The following ACSM2A variants were observed in gnomAD, a reference collection of about 807,000 sequenced individuals.
ACSM2A encodes acyl-coenzyme A synthetase ACSM2A, mitochondrial.
A neutral mutation model predicts 76.6 loss-of-function variants in ACSM2A; 72 were observed. The observed-to-expected ratio is 0.94, with a 90% confidence interval of 0.78 to 1.14. The LOEUF is 1.14. Among genes scored for constraint, ACSM2A ranks in the 50% most tolerant of loss-of-function variants. The pLI is 0.00. For synonymous variants in ACSM2A, 249 were observed against 255.9 expected (o/e 0.97, Z 0.26); for missense variants, 684 against 708.5 (o/e 0.97, Z 0.39).
intron 2 of ACSM2A, among the ~76,000 whole-genome samples, chr16:20,462,890 T>C (rs1221435987): frequency 6.6e-6 from 1 of 152,014 alleles, no homozygotes; most frequent in African/African-American, 2.4e-5. Flanking sequence ...ACAGTAGCTT[T>C]ATTCACAGTA....
At chr16:20,465,841 G>C (rs7186805) in intron 3 of ACSM2A, 114 bp downstream of exon 3, 468,975 of 1,454,520 alleles carry the variant, frequency 0.32, 84,419 homozygotes, top group East Asian at 0.81. Context: ...ATGCTGTCCT[G>C]TATCATATGA....
Position 20,460,104 on chromosome 16 carries a change from C to G in ACSM2A, c.-8-3C>G. ...TCACCTGTGTCTCTTCTTTCTTTTACAGGCCTGAATATGCATTGGCTGCGA... is the reference window on the plus strand; with the variant it reads ...TCACCTGTGTCTCTTCTTTCTTTTAGAGGCCTGAATATGCATTGGCTGCGA... On this transcript the variant is annotated splice_region_variant and splice_polypyrimidine_tract_variant and intron_variant, in intron 1 of 13. Transcript: ENST00000573854. The G allele has an allele frequency of 1.2e-6, 2 of 1,602,064 alleles. No homozygotes were observed. Among genetic ancestry groups the G allele is most frequent in the Non-Finnish European group, 1.7e-6 (2 of 1,172,892 alleles).
intron 13 of ACSM2A, among the ~76,000 whole-genome samples, chr16:20,485,549 T>G (rs1010544674): frequency 4.6e-5 from 7 of 152,232 alleles, no homozygotes; most frequent in South Asian, 2.1e-4. Flanking sequence ...ACTTTGCCCA[T>G]GCAATGCTAA....
chr16:20,463,916 G>A (rs1361210836), intron 2 of ACSM2A, among the ~76,000 whole-genome samples: 3 of 152,040 alleles, frequency 2.0e-5, no homozygotes, highest in Non-Finnish European at 4.4e-5. Flanking sequence ...CAAACATTCA[G>A]GTCAAATCTT....
chr16:20,469,776 C>G (rs574922177), intron 4 of ACSM2A, 57 bp downstream of exon 4: 1 of 1,605,534 alleles, frequency 6.2e-7, no homozygotes, highest in Admixed American at 1.7e-5. Flanking sequence ...CAGAGCCAAG[C>G]ACTTAGGTGC....
intron 6 of ACSM2A, among the ~76,000 whole-genome samples, chr16:20,473,126 C>T (rs1759525285): frequency 6.6e-6 from 1 of 152,160 alleles, no homozygotes; most frequent in African/African-American, 2.4e-5. Flanking sequence ...GCCCCCAGAT[C>T]TCTAATGGCC....
chr16:20,479,373 T>G (rs886887255), intron 10 of ACSM2A, among the ~76,000 whole-genome samples: 2 of 152,188 alleles, frequency 1.3e-5, no homozygotes, highest in African/African-American at 4.8e-5. Flanking sequence ...ACATTTAATC[T>G]TTAAACTTTA....
chr16:20,460,253 G>A lies in ACSM2A; in HGVS notation c.139G>A (p.Ala47Thr). 1 of 1,613,680 alleles carries A rather than the reference G, an allele frequency of 6.2e-7. No homozygotes were observed. The highest frequency in any genetic ancestry group is 1.3e-5 in the African/African-American group (1 of 75,022). ...HQEVPAKFNF[A>T]SDVLDHWADM... ...GGAAGTGCCGGCCAAGTTTAACTTTGCTAGTGATGTGTTGGATCACTGGGC... is the reference window on the plus strand; with the variant it reads ...GGAAGTGCCGGCCAAGTTTAACTTTACTAGTGATGTGTTGGATCACTGGGC... Residue 47 changes from alanine to threonine, a missense_variant, in exon 2 of 14, where the codon GCT becomes ACT. Ala to Thr is a moderately conservative substitution (Grantham distance 58, BLOSUM62 0). Transcript: ENST00000573854.
chr16:20,468,410 C>A (rs904333666), intron 3 of ACSM2A, among the ~76,000 whole-genome samples: 3 of 152,186 alleles, frequency 2.0e-5, no homozygotes, highest in African/African-American at 4.8e-5. Context: ...CCTCTGTAGT[C>A]CAGGCTGGAG....
rs369137473 is a variant in ACSM2A, at chr16:20,486,658, G to A, written c.1714G>A (p.Gly572Arg). 33 of 1,614,044 alleles carry A rather than the reference G, an allele frequency of 2.0e-5. No individual in the cohort carries two copies. The highest frequency in any genetic ancestry group is 3.3e-5 in the Admixed American group (2 of 60,004). ...TCGAGACAAGGAGTGGAAGATGTCCGGAAAAGCCCGTGCGCAGTGAGACAT... is the reference window on the plus strand; with the variant it reads ...TCGAGACAAGGAGTGGAAGATGTCCAGAAAAGCCCGTGCGCAGTGAGACAT... The part of the protein sequence containing the change: ...KLRDKEWKMS[G>R]KARAQ Residue 572 changes from glycine to arginine, a missense_variant, in exon 14 of 14, where the codon GGA becomes AGA. Coordinates refer to ENST00000573854, the MANE Select transcript of ACSM2A (RefSeq NM_001308172.2).
intron 12 of ACSM2A, chr16:20,481,123 T>G: frequency 1.5e-6 from 1 of 654,950 alleles, no homozygotes; most frequent in Non-Finnish European, 2.6e-6. Context: ...GGGATTGTTA[T>G]GAGGGTTAAA....
intron 5 of ACSM2A, 97 bp downstream of exon 5, chr16:20,471,313 T>C (rs2013379574): frequency 6.5e-7 from 1 of 1,532,256 alleles, no homozygotes; most frequent in Non-Finnish European, 8.8e-7. Context: ...TCAACCGGGG[T>C]CCCACCTTCT....
Position 20,487,399 on chromosome 16 carries a change from A to G in ACSM2A, c.*721A>G, listed in dbSNP as rs1490939111. 2.0e-5 allele frequency: 3 copies of G among 152,224 alleles called. No homozygotes were observed. Among genetic ancestry groups the G allele is most frequent in the African/African-American group, 7.2e-5 (3 of 41,432 alleles). The allele number at this position is 152,224 out of a possible 1,614,324, so 9.4% of individuals were successfully genotyped here. ...AGGAAGACTTGTGTGTGGGGTTGGG[A>G]CATTAGAATCATCCACAAGTCACCC... On this transcript the variant is annotated 3_prime_UTR_variant, in exon 14 of 14. Coordinates refer to ENST00000573854, the MANE Select transcript of ACSM2A (RefSeq NM_001308172.2).
In ACSM2A at chr16:20,469,626, A is replaced by G. The variant is rs1426506672; in HGVS notation, c.503A>G (p.Asp168Gly). ...VAGDEVIQEV[D>G]TVASECPSLR... Reference sequence around the variant, plus strand: ...GGGGATGAAGTCATCCAAGAAGTGGACACAGTGGCATCTGAATGTCCTTCT... The same window carrying G: ...GGGGATGAAGTCATCCAAGAAGTGGGCACAGTGGCATCTGAATGTCCTTCT... Residue 168 changes from aspartate to glycine, a missense_variant, in exon 4 of 14, where the codon GAC becomes GGC. By Grantham distance (94) the Asp-to-Gly change is moderately conservative. Coordinates refer to ENST00000573854, the MANE Select transcript of ACSM2A (RefSeq NM_001308172.2). The G allele has an allele frequency of 6.2e-7, 1 of 1,613,822 alleles. No individual in the cohort carries two copies. The highest frequency in any genetic ancestry group is 1.3e-5 in the African/African-American group (1 of 74,922).
chr16:20,471,098 G>T lies in ACSM2A; in HGVS notation c.622G>T (p.Val208Leu). 3 of 1,613,596 alleles carry T rather than the reference G, an allele frequency of 1.9e-6. No individual in the cohort carries two copies. Among genetic ancestry groups the T allele is most frequent in the Non-Finnish European group, 2.5e-6 (3 of 1,179,658 alleles). ...TGAGGCATCCACCACTCATCACTGT[G>T]TGGAGACTGGAAGCCAGGAAGCATC... ...LNEASTTHHCVETGSQEASAI... is the reference protein window; with the variant it reads ...LNEASTTHHCLETGSQEASAI... The change falls in exon 5 of 14, where the codon GTG becomes TTG. Residue 208 changes from valine (V) to leucine (L), a missense_variant. This residue lies in a region of ACSM2A where 519 missense variants were observed against 549.5 expected (regional missense o/e 0.94). Coordinates refer to ENST00000573854, the MANE Select transcript of ACSM2A (RefSeq NM_001308172.2).
intron 13 of ACSM2A, among the ~76,000 whole-genome samples, chr16:20,486,301 T>C (rs1403254979): frequency 6.6e-6 from 1 of 152,246 alleles, no homozygotes; most frequent in East Asian, 1.9e-4. Context: ...GAGACTGATG[T>C]CAAGGCTCAG....
rs751905127 is a variant in ACSM2A at position 20,471,699 on chromosome 16, G to T, written c.894+10G>T. 11 of 1,601,840 alleles carry T rather than the reference G, an allele frequency of 6.9e-6. No homozygotes were observed. In the African/African-American group the frequency reaches 1.3e-4, roughly 20 times the overall value. ...ACTGGTTATTCTAAAGGTAAGAGAGGATCCAGTTTGCAGCAGTTATTCAGA... is the reference window on the plus strand; with the variant it reads ...ACTGGTTATTCTAAAGGTAAGAGAGTATCCAGTTTGCAGCAGTTATTCAGA... On this transcript the variant is annotated intron_variant, in intron 6 of 13. Coordinates refer to ENST00000573854, the MANE Select transcript of ACSM2A (RefSeq NM_001308172.2).
intron 1 of ACSM2A, among the ~76,000 whole-genome samples, chr16:20,458,813 T>A (rs1394076851): frequency 1.4e-5 from 2 of 142,284 alleles, no homozygotes; most frequent in Non-Finnish European, 3.1e-5. Context: ...ATATATATAT[T>A]ATATAAACAT....
chr16:20,481,817 A>T (rs1432187366), intron 12 of ACSM2A: 2 of 133,154 alleles, frequency 1.5e-5, no homozygotes, highest in Non-Finnish European at 3.2e-5. Flanking sequence ...TGCGTGTAAC[A>T]AAATGTCACT....
Sources: allele counts gnomAD v4.1 joint callset (sites outside exome capture counted in the v4.1 genomes callset), GRCh38; gene constraint gnomAD v4.1.1; regional missense constraint gnomAD v4.1.1; transcripts MANE v1.5; gene names NCBI Gene and HGNC (gene_info 2026-07-23, HGNC 2026-07-21).